The following SART3 variants were observed in gnomAD, a reference collection of about 807,000 sequenced individuals.
SART3 encodes spliceosome associated factor 3, U4/U6 recycling protein, also known as HIV-1 Tat-interacting protein of 110kDa.
Under a neutral mutation model 122.3 loss-of-function variants are expected in SART3, and 44 were observed. The ratio of observed to expected loss-of-function variants is 0.36; its 90% CI spans 0.28 to 0.46. The LOEUF (loss-of-function observed/expected upper bound fraction) is 0.46. Among genes scored for constraint, SART3 ranks in the 20% least tolerant of loss-of-function variants. SART3 has a pLI of 1.00. For synonymous variants in SART3, 442 were observed against 454.0 expected (o/e 0.97, Z 0.34); for missense variants, 1,101 against 1,229.0 (o/e 0.90, Z 1.56).
chr12:108,560,481 A>G (rs1030229070), intron 1 of SART3: 1 of 384,522 alleles, frequency 2.6e-6, no homozygotes, highest in African/African-American at 2.1e-5. Flanking sequence ...GTTTATTTCT[A>G]CTGTTGGACG....
chr12:108,545,690 A>T (rs1873372312), intron 3 of SART3, among the ~76,000 whole-genome samples: 2 of 152,310 alleles, frequency 1.3e-5, no homozygotes, highest in South Asian at 4.1e-4. Context: ...ACATTTGGCC[A>T]GGTGCGGTGG....
At position 108,523,294 on chromosome 12, in the gene SART3, C is replaced by T; in HGVS notation, c.*163G>A. 1.3e-6 allele frequency: 1 copy of T among 764,022 alleles called. No homozygotes were observed. 47.3% of individuals were successfully genotyped at this position (764,022 alleles called of 1,614,324 possible). ...CAATATGAGGGAGCACTGAAAGGCT[C>T]TTGACTTAGAACCCCTTCCCCTTTC... On this transcript the variant is annotated 3_prime_UTR_variant, in exon 19 of 19. Coordinates refer to ENST00000546815, the MANE Select transcript of SART3 (RefSeq NM_014706.4).
chr12:108,560,004 A>T (rs1427993002), intron 1 of SART3, among the ~76,000 whole-genome samples: 1 of 152,218 alleles, frequency 6.6e-6, no homozygotes, highest in African/African-American at 2.4e-5. Flanking sequence ...CCAAAGATGG[A>T]CACCAGGTTC....
rs190767354 is a variant in SART3, at chr12:108,530,937, C to T, written c.1746+267G>A. On this transcript the variant is annotated intron_variant, in intron 14 of 18. Coordinates refer to ENST00000546815, the MANE Select transcript of SART3 (RefSeq NM_014706.4). ...TCCACTCACTAGGCTAAGTGAGGCT[C>T]TTCTTTATTCTTTTTCATCAATTCT... is the stretch of plus-strand genomic sequence containing the variant. Among the ~76,000 whole-genome samples, 164 of 152,274 alleles carry T rather than the reference C, an allele frequency of 1.1e-3. 1 individual carries two copies. Among genetic ancestry groups the T allele is most frequent in the Non-Finnish European group, 1.8e-3 (123 of 68,018 alleles).
intron 1 of SART3, 90 bp from the exon 2 acceptor site, chr12:108,549,304 C>T: frequency 7.1e-7 from 1 of 1,399,122 alleles, no homozygotes; most frequent in Non-Finnish European, 1.0e-6. Flanking sequence ...ATATACCTGC[C>T]ACAAACAAAA....
intron 3 of SART3, among the ~76,000 whole-genome samples, chr12:108,547,655 A>T (rs1873489343): frequency 6.6e-6 from 1 of 152,218 alleles, no homozygotes; most frequent in Non-Finnish European, 1.5e-5. Flanking sequence ...ATAAATCCTG[A>T]GTGTGAGTGT....
At chr12:108,550,965 A>G (rs1319849946) in intron 1 of SART3, among the ~76,000 whole-genome samples, 16 of 152,214 alleles carry the variant, frequency 1.1e-4, no homozygotes, top group Admixed American at 1.0e-3. Flanking sequence ...AAATAGTAAA[A>G]CGGCAGGCTT....
chr12:108,558,421 C>A (rs1303033915), intron 1 of SART3, among the ~76,000 whole-genome samples: 1 of 152,172 alleles, frequency 6.6e-6, no homozygotes, highest in Non-Finnish European at 1.5e-5. Context: ...CAGGTCCTAT[C>A]CTGTGTGGTC....
chr12:108,526,676 T>G (rs1468435960), intron 15 of SART3, 123 bp from the exon 16 acceptor site: 2 of 1,046,018 alleles, frequency 1.9e-6, no homozygotes. Context: ...CTCACCAGAC[T>G]CGGAGGGGCA....
intron 1 of SART3, among the ~76,000 whole-genome samples, chr12:108,554,393 AACAAT>A (rs2030132088): frequency 6.6e-6 from 1 of 152,142 alleles, no homozygotes; most frequent in Admixed American, 6.5e-5. Context: ...GTATAAAGAG[AACAAT>A]ACATAATGAT....
chr12:108,532,580 T>C (rs1872726684), intron 12 of SART3: 2 of 449,080 alleles, frequency 4.5e-6, no homozygotes, highest in Non-Finnish European at 8.3e-6. Flanking sequence ...TACCTGATAT[T>C]GTGATCTGCA....
chr12:108,540,055 T>G (rs1310996816), intron 6 of SART3, among the ~76,000 whole-genome samples: 1 of 150,326 alleles, frequency 6.7e-6, no homozygotes, highest in Non-Finnish European at 1.5e-5. Context: ...CAAAGAAAGA[T>G]AGAAAAAAAG....
chr12:108,539,780 A>G (rs902804780), intron 6 of SART3, among the ~76,000 whole-genome samples: 1 of 152,240 alleles, frequency 6.6e-6, no homozygotes, highest in African/African-American at 2.4e-5. Context: ...CACAGACTCC[A>G]TATGTAGAAA....
intron 14 of SART3, among the ~76,000 whole-genome samples, chr12:108,530,897 T>C (rs563710434): frequency 6.6e-6 from 1 of 151,996 alleles, no homozygotes; most frequent in African/African-American, 2.4e-5. Flanking sequence ...CCTAAATAAG[T>C]TGGGGTGTTC....
chr12:108,536,836 G>A (rs1872929902), intron 9 of SART3, 51 bp from the exon 10 acceptor site: 1 of 1,548,464 alleles, frequency 6.5e-7, no homozygotes, highest in Non-Finnish European at 8.9e-7. Context: ...GCCTGGCTTT[G>A]TTTTATTTTT....
intron 1 of SART3, chr12:108,560,189 T>C (rs1450602458): frequency 6.6e-6 from 1 of 152,382 alleles, no homozygotes; most frequent in African/African-American, 2.4e-5. Flanking sequence ...GACCATGTTA[T>C]GACTAGATGC....
chr12:108,543,517 G>A (rs1592767805), intron 5 of SART3, among the ~76,000 whole-genome samples: 1 of 152,148 alleles, frequency 6.6e-6, no homozygotes, highest in Non-Finnish European at 1.5e-5. Context: ...CTGAAGCAGA[G>A]GGTTCAGTTG....
chr12:108,526,076 A>T, intron 16 of SART3, 23 bp downstream of exon 16: 1 of 1,596,076 alleles, frequency 6.3e-7, no homozygotes, highest in Middle Eastern at 1.7e-4. Flanking sequence ...GATGAAAGGC[A>T]TTCTTTTTTT....
At chr12:108,545,354 G>A (rs1873356925) in intron 3 of SART3, 31 bp from the exon 4 acceptor site, 1 of 1,607,722 alleles carries the variant, frequency 6.2e-7, no homozygotes, top group Non-Finnish European at 8.5e-7. Flanking sequence ...ATTAGTTTGG[G>A]ATATAAAATA....
Sources: allele counts gnomAD v4.1 joint callset (sites outside exome capture counted in the v4.1 genomes callset), GRCh38; gene constraint gnomAD v4.1.1; transcripts MANE v1.5; gene names NCBI Gene and HGNC (gene_info 2026-07-23, HGNC 2026-07-21).